IPP: variants seen among roughly 807,000 people sequenced by gnomAD.
IPP encodes the protein actin-binding protein IPP.
A neutral mutation model predicts 64.1 loss-of-function variants in IPP; 41 were observed. The observed-to-expected ratio is 0.64, with a 90% CI of 0.50 to 0.83. The LOEUF (loss-of-function observed/expected upper bound fraction) is 0.83, where lower values mean the gene tolerates loss of function less well. Ranked by LOEUF, IPP falls within the 40% of genes least tolerant of loss-of-function variation. IPP has a pLI of 0.00. For missense variants in IPP, 649 were observed against 703.0 expected (o/e 0.92, Z 0.87); for synonymous variants, 214 against 235.2 (o/e 0.91, Z 0.83).
chr1:45,708,982 C>T (rs1355292518), intron 8 of IPP, among the ~76,000 whole-genome samples: 5 of 133,332 alleles, frequency 3.8e-5, no homozygotes, highest in Admixed American at 1.8e-4. Context: ...TGTAGTGATC[C>T]GAGCTCGTGC....
chr1:45,731,277 C>CA (rs1645901080), intron 3 of IPP, among the ~76,000 whole-genome samples: 1 of 151,928 alleles, frequency 6.6e-6, no homozygotes, highest in Non-Finnish European at 1.5e-5. Flanking sequence ...CCTGTCTCTA[C>CA]AAAAAATTTT....
At chr1:45,694,677 A>C (rs1444900026), downstream of IPP, 2 of 557,790 alleles carry the variant, frequency 3.6e-6, no homozygotes, top group African/African-American at 3.8e-5. Context: ...CCACATTCAA[A>C]GGTAAGTTGG....
intron 8 of IPP, among the ~76,000 whole-genome samples, chr1:45,712,107 T>A (rs934296142): frequency 5.9e-5 from 9 of 151,452 alleles, no homozygotes; most frequent in African/African-American, 1.9e-4. Context: ...CTTGAGGTCA[T>A]GAGTTCGAGA....
chr1:45,737,457 C>CTT (rs778748035), intron 3 of IPP, among the ~76,000 whole-genome samples: 64 of 121,212 alleles, frequency 5.3e-4, no homozygotes, highest in Middle Eastern at 4.4e-3. Context: ...ATAAACAATT[C>CTT]TTTTTTTTTT....
chr1:45,739,146 T>C (rs1646022843), intron 3 of IPP, among the ~76,000 whole-genome samples: 1 of 152,188 alleles, frequency 6.6e-6, no homozygotes, highest in Non-Finnish European at 1.5e-5. Flanking sequence ...ATTATGTATT[T>C]ACAGAATTAC....
At chr1:45,697,031 G>T (rs536559845), downstream of IPP, 1 of 152,270 alleles carries the variant, frequency 6.6e-6, no homozygotes, top group South Asian at 2.1e-4. Context: ...TCTGTAACTA[G>T]AAATAGTAAA....
chr1:45,717,243 A>AAAAAAAC (rs1557744912), intron 6 of IPP, among the ~76,000 whole-genome samples: 1 of 142,396 alleles, frequency 7.0e-6, no homozygotes, highest in African/African-American at 2.6e-5. Flanking sequence ...AAAAAAAAAA[A>AAAAAAAC]AGGAATTCAA....
At chr1:45,720,690 A>T (rs1254551876) in intron 5 of IPP, among the ~76,000 whole-genome samples, 1 of 152,192 alleles carries the variant, frequency 6.6e-6, no homozygotes, top group East Asian at 1.9e-4. Flanking sequence ...AATTCTAGGA[A>T]CAGAAACGTA....
At chr1:45,701,816 G>A (rs1188456524) in intron 8 of IPP, among the ~76,000 whole-genome samples, 1 of 152,122 alleles carries the variant, frequency 6.6e-6, no homozygotes, top group Admixed American at 6.5e-5. Context: ...AGGGACTTGA[G>A]CTTCTCATCC....
chr1:45,746,439 G>A lies in IPP; in HGVS notation c.-28C>T. On this transcript the variant is annotated 5_prime_UTR_variant, in exon 2 of 9. Coordinates refer to ENST00000396478, the MANE Select transcript of IPP (RefSeq NM_005897.3). ...TGACGGTAGATTAATTAAAAGGACTGTTGCCCATAATCTGTTACTACCCTG... is the reference window on the plus strand; with the variant it reads ...TGACGGTAGATTAATTAAAAGGACTATTGCCCATAATCTGTTACTACCCTG... 5 of 1,572,376 alleles carry A rather than the reference G, an allele frequency of 3.2e-6. No homozygotes were observed. The highest frequency in any genetic ancestry group is 4.3e-6 in the Non-Finnish European group (5 of 1,150,086).
intron 5 of IPP, among the ~76,000 whole-genome samples, chr1:45,725,068 G>GGGGTCAGCCCCCCGCC (rs1645796367): frequency 6.7e-6 from 1 of 149,558 alleles, no homozygotes; most frequent in Admixed American, 6.6e-5. Context: ...GGGAGGTGGG[G>GGGGTCAGCCCCCCGCC]GGGTCAGCCC....
chr1:45,706,552 C>T (rs960159578), intron 8 of IPP, among the ~76,000 whole-genome samples: 3 of 152,088 alleles, frequency 2.0e-5, no homozygotes, highest in South Asian at 2.1e-4. Context: ...CAGGTTGAAA[C>T]GATTCTCCTC....
downstream of IPP, chr1:45,694,564 G>T: frequency 1.0e-6 from 1 of 995,266 alleles, no homozygotes; most frequent in Non-Finnish European, 1.6e-6. Context: ...GTTACCACTG[G>T]GAAAGGCATG....
chr1:45,695,984 G>A (rs1645385141), downstream of IPP, among the ~76,000 whole-genome samples: 1 of 152,010 alleles, frequency 6.6e-6, no homozygotes, highest in South Asian at 2.1e-4. Context: ...ATTTTTTAGA[G>A]ATGATGTTTC....
chr1:45,742,490 G>T (rs986838933), intron 2 of IPP, among the ~76,000 whole-genome samples: 4 of 152,158 alleles, frequency 2.6e-5, no homozygotes, highest in Admixed American at 2.0e-4. Flanking sequence ...GTAAGACAAG[G>T]TCTCTATCTT....
downstream of IPP, chr1:45,698,120 T>A (rs1434748102): frequency 4.0e-5 from 6 of 151,670 alleles, no homozygotes; most frequent in Admixed American, 2.0e-4. Flanking sequence ...CTGGCCAACA[T>A]GGTGAAACCC....
At chr1:45,737,730 G>C (rs1191801286) in intron 3 of IPP, among the ~76,000 whole-genome samples, 1 of 152,080 alleles carries the variant, frequency 6.6e-6, no homozygotes, top group African/African-American at 2.4e-5. Flanking sequence ...AAAGTGCGGG[G>C]ATTACAGGCA....
chr1:45,714,574 TA>T, intron 7 of IPP, 108 bp from the exon 8 acceptor site: 1 of 693,992 alleles, frequency 1.4e-6, no homozygotes, highest in Middle Eastern at 3.0e-4. Context: ...ATGTTTAATC[TA>T]GGGCTTACAT....
rs1216032258 is a variant in IPP, at chr1:45,727,788, A to G, written c.891T>C (p.Thr297=). ...RKYLYAVGGY[T]RLQGGRWSDS... ...CACTCCAGCGACCCCCCTGCAACCGAGTATATCCACCTAAACAAAAGAAGA... is the reference window on the plus strand; with the variant it reads ...CACTCCAGCGACCCCCCTGCAACCGGGTATATCCACCTAAACAAAAGAAGA... The change falls in exon 5 of 9, where the codon ACT becomes ACC. Residue 297 remains threonine, a synonymous_variant. Transcript: ENST00000396478. The G allele has an allele frequency of 6.5e-7, 1 of 1,547,452 alleles. No homozygotes were observed. The highest frequency in any genetic ancestry group is 1.3e-5 in the African/African-American group (1 of 74,108).
Sources: allele counts gnomAD v4.1 joint callset (sites outside exome capture counted in the v4.1 genomes callset), GRCh38; gene constraint gnomAD v4.1.1; transcripts MANE v1.5; gene names NCBI Gene and HGNC (gene_info 2026-07-23, HGNC 2026-07-21).